Variants in SLC17A3 observed in about 807,000 individuals in gnomAD.
SLC17A3 encodes the protein solute carrier family 17 member 3, also known as sodium-dependent phosphate transport protein 4.
A neutral mutation model predicts 60.3 loss-of-function variants in SLC17A3; 61 were observed. That is an observed-to-expected ratio of 1.01 (90% CI 0.82 to 1.25). The LOEUF is 1.25. Ranked by LOEUF, SLC17A3 falls within the 50% of genes most tolerant of loss-of-function variation. The pLI is 0.00. For missense variants in SLC17A3, 624 were observed against 594.9 expected (o/e 1.05, Z -0.51); for synonymous variants, 192 against 208.9 (o/e 0.92, Z 0.70).
intron 11 of SLC17A3, among the ~76,000 whole-genome samples, chr6:25,846,888 G>C (rs1310790637): frequency 6.6e-6 from 1 of 152,158 alleles, no homozygotes; most frequent in African/African-American, 2.4e-5. Context: ...GGGTTTACAA[G>C]TGTGAGCCCA....
chr6:25,873,207 G>A (rs1765673010), intron 1 of SLC17A3, among the ~76,000 whole-genome samples: 1 of 151,820 alleles, frequency 6.6e-6, no homozygotes, highest in South Asian at 2.1e-4. Flanking sequence ...TCTCTTAAAT[G>A]TGCCCTTCCA....
chr6:25,872,385 T>C (rs1408781305), intron 1 of SLC17A3, among the ~76,000 whole-genome samples: 2 of 150,446 alleles, frequency 1.3e-5, no homozygotes, highest in Non-Finnish European at 1.5e-5. Context: ...TATTGTTTTA[T>C]GGACTTCTTG....
chr6:25,870,196 T>C (rs964192243), intron 1 of SLC17A3, among the ~76,000 whole-genome samples: 5 of 151,996 alleles, frequency 3.3e-5, no homozygotes, highest in Non-Finnish European at 7.4e-5. Flanking sequence ...ATCTTGGCAT[T>C]GGGCATTCTA....
At chr6:25,864,044 T>A (rs1259681883) in intron 2 of SLC17A3, among the ~76,000 whole-genome samples, 1 of 151,926 alleles carries the variant, frequency 6.6e-6, no homozygotes, top group Middle Eastern at 3.2e-3. Context: ...AAGGAGGAAG[T>A]CCCAATGACA....
intron 1 of SLC17A3, among the ~76,000 whole-genome samples, chr6:25,870,922 G>A (rs1024762364): frequency 1.3e-5 from 2 of 152,010 alleles, no homozygotes; most frequent in African/African-American, 4.8e-5. Flanking sequence ...TCAAAATGTT[G>A]TCTCTTAACA....
At chr6:25,857,954 C>T (rs1353875426) in intron 5 of SLC17A3, among the ~76,000 whole-genome samples, 1 of 152,184 alleles carries the variant, frequency 6.6e-6, no homozygotes, top group Non-Finnish European at 1.5e-5. Context: ...TCTGCATCCT[C>T]ACTTCCCTCC....
At chr6:25,872,351 A>G (rs972087) in intron 1 of SLC17A3, among the ~76,000 whole-genome samples, 17,106 of 148,882 alleles carry the variant, frequency 0.11, 1,263 homozygotes, top group African/African-American at 0.19. Flanking sequence ...AAAAAAGGCA[A>G]AGGCTACAAA....
chr6:25,867,419 T>C (rs1285962253), intron 2 of SLC17A3, among the ~76,000 whole-genome samples: 3 of 151,972 alleles, frequency 2.0e-5, no homozygotes, highest in African/African-American at 7.2e-5. Context: ...GTCTCTGTAG[T>C]GAACAAAGGA....
chr6:25,853,939 A>C (rs1350553772), intron 6 of SLC17A3, among the ~76,000 whole-genome samples: 1 of 152,144 alleles, frequency 6.6e-6, no homozygotes, highest in African/African-American at 2.4e-5. Context: ...TTGATTAAAA[A>C]CTTTCCCTCG....
rs767687947 is a variant in SLC17A3 at position 25,868,354 on chromosome 6, T to C, written c.34A>G (p.Arg12Gly). Reference sequence around the variant, plus strand: ...ATATCTTGTGCGTTCTTGCTCTCCCTTGCTGTGGGACTCAACTCTGTCTTG... The same window carrying C: ...ATATCTTGTGCGTTCTTGCTCTCCCCTGCTGTGGGACTCAACTCTGTCTTG... ...ATKTELSPTARESKNAQDMQV... is the reference protein window; with the variant it reads ...ATKTELSPTAGESKNAQDMQV... Residue 12 changes from arginine (R) to glycine (G), a missense_variant, in exon 2 of 13, where the codon AGG becomes GGG. Arg to Gly is a moderately radical substitution (Grantham distance 125). Coordinates refer to ENST00000397060, the MANE Select transcript of SLC17A3 (RefSeq NM_001098486.2). The C allele has an allele frequency of 1.2e-5, 19 of 1,612,226 alleles. No individual in the cohort carries two copies. Among genetic ancestry groups the C allele is most frequent in the Non-Finnish European group, 1.4e-5 (17 of 1,178,794 alleles).
At chr6:25,850,967 C>T (rs1298107854) in intron 6 of SLC17A3, 90 bp from the exon 7 acceptor site, 1 of 930,244 alleles carries the variant, frequency 1.1e-6, no homozygotes, top group African/African-American at 1.6e-5. Context: ...GTTATAAGTT[C>T]TAGGAAAAGC....
chr6:25,845,367 C>T lies in SLC17A3; in HGVS notation c.*2+13G>A. 1 of 1,613,758 alleles carries T rather than the reference C, an allele frequency of 6.2e-7. No individual in the cohort carries two copies. Among genetic ancestry groups the T allele is most frequent in the Non-Finnish European group, 8.5e-7 (1 of 1,179,798 alleles). On this transcript the variant is annotated intron_variant, in intron 12 of 12. Transcript: ENST00000397060. ...CTATGGCTATAACCATGCATAAAATCACTATCCTTTACCTTCATAAACGAG... is the reference window on the plus strand; with the variant it reads ...CTATGGCTATAACCATGCATAAAATTACTATCCTTTACCTTCATAAACGAG...
At chr6:25,851,786 A>C (rs938212768) in intron 6 of SLC17A3, among the ~76,000 whole-genome samples, 1 of 152,102 alleles carries the variant, frequency 6.6e-6, no homozygotes, top group African/African-American at 2.4e-5. Flanking sequence ...ACTCTGTCTT[A>C]AAGACTATAA....
intron 11 of SLC17A3, 94 bp from the exon 12 acceptor site, chr6:25,845,610 G>T: frequency 7.0e-7 from 1 of 1,426,708 alleles, no homozygotes; most frequent in Non-Finnish European, 9.8e-7. Context: ...TCACTGGTGG[G>T]TTTCCTTGTA....
chr6:25,851,924 C>CAT (rs1561854672), intron 6 of SLC17A3, among the ~76,000 whole-genome samples: 1 of 152,162 alleles, frequency 6.6e-6, no homozygotes, highest in Non-Finnish European at 1.5e-5. Flanking sequence ...ACAGCCCTCA[C>CAT]ATATCTTTTG....
At chr6:25,864,375 A>G (rs990123833) in intron 2 of SLC17A3, among the ~76,000 whole-genome samples, 1 of 151,966 alleles carries the variant, frequency 6.6e-6, no homozygotes, top group Non-Finnish European at 1.5e-5. Context: ...CAGAAATGAG[A>G]ACAAAACGAT....
intron 2 of SLC17A3, among the ~76,000 whole-genome samples, chr6:25,866,279 C>T (rs1034320407): frequency 2.6e-5 from 4 of 152,022 alleles, no homozygotes; most frequent in African/African-American, 7.2e-5. Context: ...CACAAACATC[C>T]TCTAAGACCT....
chr6:25,870,835 T>A (rs898295534), intron 1 of SLC17A3, among the ~76,000 whole-genome samples: 1 of 152,038 alleles, frequency 6.6e-6, no homozygotes. Flanking sequence ...GTGAAGCTGC[T>A]TTCAACTGAC....
At chr6:25,867,621 C>T (rs1287678252) in intron 2 of SLC17A3, among the ~76,000 whole-genome samples, 1 of 151,670 alleles carries the variant, frequency 6.6e-6, no homozygotes. Context: ...GATATAATAG[C>T]CGAGTAACAA....
Sources: gnomAD v4.1 joint callset for allele counts (sites outside exome capture counted in the v4.1 genomes callset) on GRCh38, gnomAD v4.1.1 for gene constraint, MANE v1.5 for transcripts, NCBI Gene and HGNC (gene_info 2026-07-23, HGNC 2026-07-21) for gene names.